The following LRRC4C variants were observed in gnomAD, a reference collection of about 807,000 sequenced individuals.
The protein encoded by LRRC4C is leucine-rich repeat-containing protein 4C.
In LRRC4C, 5 loss-of-function variants were observed where a neutral mutation model predicts 33.6. The ratio of observed to expected loss-of-function variants is 0.15; its 90% CI spans 0.08 to 0.31. LRRC4C has a LOEUF of 0.31. Ranked by LOEUF, LRRC4C falls within the 10% of genes least tolerant of loss-of-function variation. The pLI, the probability that LRRC4C is intolerant of heterozygous loss-of-function variation, is 1.00. For missense variants in LRRC4C, 560 were observed against 796.7 expected (o/e 0.70, Z 3.58); for synonymous variants, 329 against 302.0 (o/e 1.09, Z -0.93).
At chr11:40,623,077 G>C (rs1962604598) in intron 3 of LRRC4C, among the ~76,000 whole-genome samples, 1 of 151,562 alleles carries the variant, frequency 6.6e-6, no homozygotes, top group Non-Finnish European at 1.5e-5. Context: ...GTGACTACAG[G>C]AGCTCTATGT....
At chr11:41,344,466 C>T (rs987109852) in intron 1 of LRRC4C, among the ~76,000 whole-genome samples, 2 of 152,168 alleles carry the variant, frequency 1.3e-5, no homozygotes, top group African/African-American at 2.4e-5. Context: ...GTGATCCGCC[C>T]GCCTCGGCCT....
chr11:41,047,213 T>G (rs1857835593), intron 1 of LRRC4C, among the ~76,000 whole-genome samples: 1 of 152,088 alleles, frequency 6.6e-6, no homozygotes. Flanking sequence ...GCAAAAAATT[T>G]GAATAGACAT....
intron 2 of LRRC4C, among the ~76,000 whole-genome samples, chr11:40,923,193 C>A (rs1007003658): frequency 3.9e-5 from 6 of 152,108 alleles, no homozygotes; most frequent in Admixed American, 3.9e-4. Context: ...AACAAAAGGT[C>A]ATTGAAAACC....
intron 3 of LRRC4C, among the ~76,000 whole-genome samples, chr11:40,332,874 A>G (rs971291020): frequency 2.6e-5 from 4 of 152,210 alleles, no homozygotes; most frequent in Non-Finnish European, 5.9e-5. Context: ...TAGCATCTGC[A>G]TATATCTTCA....
In LRRC4C at chr11:40,795,657, A is replaced by G. The variant is rs1950794362; in HGVS notation, c.-407+137978T>C. Among the ~76,000 whole-genome samples, 4 of 152,238 alleles carry G rather than the reference A, an allele frequency of 2.6e-5. No individual in the cohort carries two copies. In the South Asian group the frequency reaches 8.3e-4, roughly 32 times the overall value. On this transcript the variant is annotated intron_variant, in intron 2 of 6. Coordinates refer to ENST00000528697, the MANE Select transcript of LRRC4C (RefSeq NM_001258419.2). ...AATTTTGACATAGGCAGTTTAAAAA[A>G]AGAAATCCACTTGTCCTCTTATAAA...
chr11:41,351,248 C>CAT, intron 1 of LRRC4C, among the ~76,000 whole-genome samples: 1 of 88,744 alleles, frequency 1.1e-5, no homozygotes, highest in Non-Finnish European at 2.6e-5. Context: ...CACACACACA[C>CAT]ACATACACAC....
intron 2 of LRRC4C, among the ~76,000 whole-genome samples, chr11:40,706,950 G>A (rs1946198451): frequency 1.3e-5 from 2 of 152,072 alleles, no homozygotes; most frequent in Non-Finnish European, 2.9e-5. Flanking sequence ...TGGATTCCTA[G>A]GTATTTTATT....
rs536255179 is a variant in LRRC4C at position 41,450,728 on chromosome 11, T to C, written c.-496+8703A>G. The stretch of plus-strand genomic sequence containing the variant: ...TCAATTTTGTGGGTTTTTACAAGGC[T>C]CTCTACGGGGCTCCAACCTATATCT... On this transcript the variant is annotated intron_variant, in intron 1 of 6. Coordinates refer to ENST00000528697, the MANE Select transcript of LRRC4C (RefSeq NM_001258419.2). Among the ~76,000 whole-genome samples the C allele has an allele frequency of 2.6e-5, 4 of 152,286 alleles. 1 individual carries two copies. Among genetic ancestry groups the C allele is most frequent in the African/African-American group, 9.6e-5 (4 of 41,574 alleles).
chr11:40,724,372 A>G (rs1289364942), intron 2 of LRRC4C, among the ~76,000 whole-genome samples: 1 of 152,182 alleles, frequency 6.6e-6, no homozygotes, highest in African/African-American at 2.4e-5. Context: ...AGCAAGTCTC[A>G]ATAAATTCAA....
chr11:41,133,590 CT>C (rs1943120147), intron 1 of LRRC4C, among the ~76,000 whole-genome samples: 1 of 150,598 alleles, frequency 6.6e-6, no homozygotes, highest in African/African-American at 2.5e-5. Flanking sequence ...TCGGACAAAC[CT>C]CATTATACTC....
rs369854126 is a variant in LRRC4C, at chr11:41,019,033, C to A, written c.-495-85310G>T. Among the ~76,000 whole-genome samples the A allele has an allele frequency of 3.3e-5, 5 of 152,194 alleles. No individual in the cohort carries two copies. In the East Asian group the frequency reaches 9.7e-4, roughly 30 times the overall value. On this transcript the variant is annotated intron_variant, in intron 1 of 6. Transcript: ENST00000528697. ...GTGCCCCTTTGTACTCCATCCTAAA[C>A]CCCTACTGTTTTTTATTTCCTTATG...
intron 3 of LRRC4C, among the ~76,000 whole-genome samples, chr11:40,391,165 T>A (rs538171878): frequency 6.6e-6 from 1 of 152,216 alleles, no homozygotes; most frequent in South Asian, 2.1e-4. Context: ...GGTCATTTCT[T>A]TTCTTGAGAC....
At chr11:41,003,714 A>G (rs1854542609) in intron 1 of LRRC4C, among the ~76,000 whole-genome samples, 2 of 151,776 alleles carry the variant, frequency 1.3e-5, no homozygotes, top group African/African-American at 4.8e-5. Context: ...GTCATCTGGT[A>G]TGCCTTCATA....
At chr11:41,082,703 C>T (rs1939670279) in intron 1 of LRRC4C, among the ~76,000 whole-genome samples, 2 of 152,180 alleles carry the variant, frequency 1.3e-5, no homozygotes, top group Admixed American at 6.5e-5. Context: ...TTAACTGCTT[C>T]TATACACTCC....
chr11:41,351,384 G>A (rs1030088042), intron 1 of LRRC4C, among the ~76,000 whole-genome samples: 3 of 152,136 alleles, frequency 2.0e-5, no homozygotes, highest in South Asian at 2.1e-4. Context: ...TCCCAGAAAG[G>A]GAAGCAGATG....
chr11:40,287,141 G>A (rs1445624434), intron 4 of LRRC4C, among the ~76,000 whole-genome samples: 1 of 151,998 alleles, frequency 6.6e-6, no homozygotes, highest in Non-Finnish European at 1.5e-5. Flanking sequence ...AAGTTGAATT[G>A]TACAAAATGT....
chr11:40,706,413 C>T (rs1404038250), intron 2 of LRRC4C, among the ~76,000 whole-genome samples: 2 of 152,162 alleles, frequency 1.3e-5, no homozygotes, highest in Non-Finnish European at 2.9e-5. Context: ...GATCCAGTTT[C>T]AGCTTTCTAC....
intron 2 of LRRC4C, among the ~76,000 whole-genome samples, chr11:40,842,542 G>A (rs951245164): frequency 1.3e-5 from 2 of 151,874 alleles, no homozygotes; most frequent in African/African-American, 4.8e-5. Context: ...TTATTTTTAT[G>A]GTGAGAACAG....
intron 2 of LRRC4C, among the ~76,000 whole-genome samples, chr11:40,836,793 T>C (rs1202640013): frequency 6.6e-6 from 1 of 152,176 alleles, no homozygotes; most frequent in Non-Finnish European, 1.5e-5. Context: ...ATTGTATTAA[T>C]GAGATAAAGT....
Sources: gnomAD v4.1 joint callset for allele counts (sites outside exome capture counted in the v4.1 genomes callset) on GRCh38, gnomAD v4.1.1 for gene constraint, MANE v1.5 for transcripts, NCBI Gene and HGNC (gene_info 2026-07-23, HGNC 2026-07-21) for gene names.